The following SAMD4A variants were observed in gnomAD, a reference collection of about 807,000 sequenced individuals.
SAMD4A encodes the protein sterile alpha motif domain containing 4A.
Under a neutral mutation model 81.3 loss-of-function variants are expected in SAMD4A, and 33 were observed. The ratio of observed to expected loss-of-function variants is 0.41; its 90% CI spans 0.31 to 0.54. SAMD4A has a LOEUF of 0.54. SAMD4A is among the 20% of genes least tolerant of loss of function. The pLI is 0.37. For synonymous variants in SAMD4A, 389 were observed against 382.1 expected, an observed-to-expected ratio of 1.02 and a Z score of -0.21; for missense variants, 854 against 951.1, an observed-to-expected ratio of 0.90 and a Z score of 1.34.
chr14:54,769,507 C>T (rs954547208), intron 8 of SAMD4A, among the ~76,000 whole-genome samples: 10 of 152,176 alleles, frequency 6.6e-5, no homozygotes, highest in African/African-American at 2.4e-4. Flanking sequence ...CTGCAGGCAT[C>T]AGACCTACAT....
intron 4 of SAMD4A, among the ~76,000 whole-genome samples, chr14:54,738,973 C>T (rs1000549039): frequency 6.6e-6 from 1 of 151,812 alleles, no homozygotes; most frequent in African/African-American, 2.4e-5. Flanking sequence ...AAGATCTTGT[C>T]CAAAGAAGAA....
At position 54,760,359 on chromosome 14, in the gene SAMD4A, G is replaced by A. The variant is rs768153881; in HGVS notation, c.1375G>A (p.Ala459Thr). 1.5e-5 allele frequency: 23 copies of A among 1,578,760 alleles called. No individual in the cohort carries two copies. Among genetic ancestry groups the A allele is most frequent in the Middle Eastern group, 1.7e-4 (1 of 5,978 alleles). The change falls in exon 7 of 13, where the codon GCC (alanine) becomes ACC (threonine). Residue 459 changes from alanine (A) to threonine (T), a missense_variant. Ala to Thr is a moderately conservative substitution (Grantham distance 58). Transcript: ENST00000554335. ...DCKDGAAATGATATPSAGASG... is the reference protein window; with the variant it reads ...DCKDGAAATGTTATPSAGASG... ...CAAAGATGGGGCCGCAGCCACTGGC[G>A]CCACGGCCACCCCCTCGGCCGGGGC...
rs2038486021 is a variant in SAMD4A at position 54,764,517 on chromosome 14, A to G, written c.1573A>G (p.Ile525Val). ...AAATATAAGTTCCTATTTACAGCTC[A>G]TAGACAAGTGTCTAATTCATGAGGT... The part of the protein sequence containing the change: ...EENISSYLQL[I>V]DKCLIHEAFT... Residue 525 changes from isoleucine to valine, a missense_variant, in exon 8 of 13, where the codon ATA (isoleucine) becomes GTA (valine). Transcript: ENST00000554335. 1.9e-6 allele frequency: 3 copies of G among 1,612,042 alleles called. No individual in the cohort carries two copies. The highest frequency in any genetic ancestry group is 1.7e-6 in the Non-Finnish European group (2 of 1,178,606).
chr14:54,775,234 G>A (rs2038812506), intron 10 of SAMD4A, 99 bp downstream of exon 10: 3 of 1,347,298 alleles, frequency 2.2e-6, no homozygotes, highest in Admixed American at 1.7e-5. Context: ...AGAGGCCAAA[G>A]GGGACTATGC....
chr14:54,735,980 C>T (rs969821917), intron 3 of SAMD4A, among the ~76,000 whole-genome samples: 4 of 152,168 alleles, frequency 2.6e-5, no homozygotes, highest in South Asian at 2.1e-4. Context: ...GGCTCAATTC[C>T]GTGTTAGTAC....
intron 2 of SAMD4A, among the ~76,000 whole-genome samples, chr14:54,669,763 G>A (rs2035837395): frequency 2.6e-5 from 4 of 152,174 alleles, no homozygotes; most frequent in South Asian, 4.1e-4. Context: ...GAGCTTCAGA[G>A]CATGTTAAAG....
chr14:54,643,290 C>G (rs1228956483), intron 2 of SAMD4A, among the ~76,000 whole-genome samples: 1 of 152,254 alleles, frequency 6.6e-6, no homozygotes, highest in Non-Finnish European at 1.5e-5. Context: ...TGAGTAGCCT[C>G]ATGATGAGCC....
intron 2 of SAMD4A, among the ~76,000 whole-genome samples, chr14:54,602,323 TACACAC>T (rs3049830): frequency 0.079 from 10,735 of 136,310 alleles, 527 homozygotes; most frequent in African/African-American, 0.14. Context: ...TGCTTTAAAA[TACACAC>T]ACACACACAC....
intron 2 of SAMD4A, among the ~76,000 whole-genome samples, chr14:54,600,391 C>T (rs999640363): frequency 1.3e-5 from 2 of 152,100 alleles, no homozygotes; most frequent in East Asian, 1.9e-4. Flanking sequence ...TCTATTTATT[C>T]CTAAAACAAA....
At chr14:54,573,729 G>A (rs1011756031) in intron 2 of SAMD4A, among the ~76,000 whole-genome samples, 6 of 152,154 alleles carry the variant, frequency 3.9e-5, no homozygotes, top group African/African-American at 1.4e-4. Flanking sequence ...CATCTCTTCT[G>A]AGCTATTTTT....
chr14:54,620,080 T>A (rs1195252412), intron 2 of SAMD4A, among the ~76,000 whole-genome samples: 1 of 152,154 alleles, frequency 6.6e-6, no homozygotes, highest in Non-Finnish European at 1.5e-5. Context: ...GGGTGGGTGT[T>A]ACGTACATTC....
intron 2 of SAMD4A, chr14:54,689,533 T>C (rs2036375538): frequency 6.6e-6 from 1 of 152,246 alleles, no homozygotes; most frequent in Non-Finnish European, 1.5e-5. Context: ...ATTGCCCAAG[T>C]TCACACAGCT....
At chr14:54,683,770 T>A (rs891393975) in intron 2 of SAMD4A, among the ~76,000 whole-genome samples, 1 of 151,974 alleles carries the variant, frequency 6.6e-6, no homozygotes. Flanking sequence ...AAGTCTAAAT[T>A]GCTCTACACA....
At chr14:54,589,105 A>G (rs532931655) in intron 2 of SAMD4A, among the ~76,000 whole-genome samples, 2 of 152,204 alleles carry the variant, frequency 1.3e-5, no homozygotes, top group African/African-American at 4.8e-5. Context: ...TAGCACCCTT[A>G]TCTTAGAAAG....
intron 2 of SAMD4A, among the ~76,000 whole-genome samples, chr14:54,686,184 T>G (rs987832315): frequency 5.9e-5 from 9 of 151,946 alleles, no homozygotes; most frequent in African/African-American, 2.2e-4. Flanking sequence ...TGAATGTGGG[T>G]GAGGGAGTGG....
intron 2 of SAMD4A, among the ~76,000 whole-genome samples, chr14:54,659,529 C>A (rs76144886): frequency 0.015 from 2,343 of 152,248 alleles, 45 homozygotes; most frequent in African/African-American, 0.053. Context: ...CCTTCTTTTA[C>A]CTGGACAATG....
At chr14:54,779,741 C>T (rs1048873232) in intron 11 of SAMD4A, among the ~76,000 whole-genome samples, 1 of 148,180 alleles carries the variant, frequency 6.7e-6, no homozygotes, top group Middle Eastern at 3.6e-3. Flanking sequence ...AGTACAGTGG[C>T]GCAATCTCAG....
At chr14:54,741,167 T>G (rs759555240) in intron 4 of SAMD4A, among the ~76,000 whole-genome samples, 9 of 152,220 alleles carry the variant, frequency 5.9e-5, no homozygotes, top group Non-Finnish European at 1.2e-4. Flanking sequence ...TACTCAACAG[T>G]AATACCATTC....
At chr14:54,621,329 G>A (rs1012018859) in intron 2 of SAMD4A, among the ~76,000 whole-genome samples, 1 of 152,080 alleles carries the variant, frequency 6.6e-6, no homozygotes, top group Admixed American at 6.5e-5. Flanking sequence ...CTATGTGTTT[G>A]TTCTCAGAAC....
Sources: gnomAD v4.1 joint callset for allele counts (sites outside exome capture counted in the v4.1 genomes callset) on GRCh38, gnomAD v4.1.1 for gene constraint, MANE v1.5 for transcripts, NCBI Gene and HGNC (gene_info 2026-07-23, HGNC 2026-07-21) for gene names.